Variants in PCDHGA2 observed in about 807,000 individuals in gnomAD.
PCDHGA2 encodes protocadherin gamma subfamily A, 2.
PCDHGA2 carries 40 observed loss-of-function variants against 59.2 expected under a neutral mutation model. The ratio of observed to expected loss-of-function variants is 0.68; its 90% CI spans 0.52 to 0.88. The LOEUF (loss-of-function observed/expected upper bound fraction) is 0.88. Ranked by LOEUF, PCDHGA2 falls within the 40% of genes least tolerant of loss-of-function variation. The pLI is 0.00. For synonymous variants in PCDHGA2, 560 were observed against 526.0 expected, an observed-to-expected ratio of 1.06 and a Z score of -0.89; for missense variants, 1,226 against 1,204.0, an observed-to-expected ratio of 1.02 and a Z score of -0.27.
chr5:141,398,708 T>A, intron 1 of PCDHGA2: 2 of 1,613,886 alleles, frequency 1.2e-6, no homozygotes, highest in Non-Finnish European at 1.7e-6. Context: ...TACCCGGAAC[T>A]GGCACTGGAG....
intron 1 of PCDHGA2, chr5:141,415,979 C>T (rs2095978015): frequency 2.8e-6 from 1 of 351,190 alleles, no homozygotes; most frequent in Middle Eastern, 8.3e-4. Flanking sequence ...TTAAGCAACC[C>T]TCTTGTTCTG....
intron 1 of PCDHGA2, chr5:141,375,919 C>T: frequency 1.2e-6 from 2 of 1,613,730 alleles, no homozygotes; most frequent in East Asian, 2.2e-5. Context: ...TCAAGGCCAG[C>T]GAGCCAGGAC....
At chr5:141,398,993 G>A (rs1438560245) in intron 1 of PCDHGA2, 2 of 1,613,944 alleles carry the variant, frequency 1.2e-6, no homozygotes, top group Admixed American at 1.7e-5. Flanking sequence ...CAAATCTTTA[G>A]TCTGAATTCA....
In PCDHGA2 at chr5:141,374,100, G is replaced by A. The variant is rs767728339; in HGVS notation, c.2424+32705G>A. ...AAGCCAGTAATGGCGCCTCCGCAGA[G>A]GCATCCGCAGCGCAGCGAGCAGGTC... On this transcript the variant is annotated intron_variant, in intron 1 of 3. Coordinates refer to ENST00000394576, the MANE Select transcript of PCDHGA2 (RefSeq NM_018915.4). 5.1e-6 allele frequency: 8 copies of A among 1,564,992 alleles called. No individual in the cohort carries two copies. The highest frequency in any genetic ancestry group is 6.1e-6 in the Non-Finnish European group (7 of 1,153,928).
chr5:141,377,482 G>C (rs1774042121), intron 1 of PCDHGA2: 1 of 152,036 alleles, frequency 6.6e-6, no homozygotes, highest in African/African-American at 2.4e-5. Flanking sequence ...TGTAGTCCCA[G>C]CTACTCGAGA....
chr5:141,416,062 T>G, intron 1 of PCDHGA2: 1 of 176,822 alleles, frequency 5.7e-6, no homozygotes, highest in Non-Finnish European at 1.2e-5. Flanking sequence ...AATCCAAGAA[T>G]ACTCAATGCA....
intron 1 of PCDHGA2, chr5:141,366,190 G>T (rs758700678): frequency 3.1e-6 from 5 of 1,613,816 alleles, no homozygotes; most frequent in African/African-American, 1.3e-5. Context: ...TTGCGGTTGG[G>T]CTGCACACGG....
chr5:141,402,921 T>C (rs1486440819), intron 1 of PCDHGA2: 1 of 1,575,122 alleles, frequency 6.3e-7, no homozygotes. Context: ...CGCACAGAGA[T>C]CCTTTTGAGA....
At chr5:141,386,780 A>C (rs1209529195) in intron 1 of PCDHGA2, among the ~76,000 whole-genome samples, 3 of 152,202 alleles carry the variant, frequency 2.0e-5, no homozygotes. Flanking sequence ...TGTAAAAGAA[A>C]ATCTCCTGAC....
At chr5:141,369,364 A>G (rs1766184094) in intron 1 of PCDHGA2, among the ~76,000 whole-genome samples, 2 of 152,320 alleles carry the variant, frequency 1.3e-5, no homozygotes, top group African/African-American at 4.8e-5. Context: ...ATGAAAAAAC[A>G]TCCTTTGTAA....
At chr5:141,404,022 G>C (rs2094476462) in intron 1 of PCDHGA2, 1 of 1,613,754 alleles carries the variant, frequency 6.2e-7, no homozygotes, top group Admixed American at 1.7e-5. Context: ...AGCCCAGTGA[G>C]AGAAGACGCA....
intron 1 of PCDHGA2, chr5:141,413,439 G>A (rs747331348): frequency 1.1e-4 from 179 of 1,613,988 alleles, no homozygotes; most frequent in Non-Finnish European, 1.4e-4. Flanking sequence ...GCGGCAGCTT[G>A]ATCACCGCGG....
chr5:141,418,938 C>A, intron 1 of PCDHGA2: 3 of 1,613,738 alleles, frequency 1.9e-6, no homozygotes, highest in Non-Finnish European at 2.5e-6. Flanking sequence ...ATGGAGGATT[C>A]CCCTCCAGGA....
In PCDHGA2 at chr5:141,477,605, T is replaced by A. The variant is rs1339408637; in HGVS notation, c.2425-17202T>A. On this transcript the variant is annotated intron_variant, in intron 1 of 3. Transcript: ENST00000394576. This position sits in a 1 kb window ranked among gnomAD's most constrained non-coding sequence, Gnocchi z 4.9. ...GAATGCTCGGCTTTCTTTCTTTCTCTTGGAGCAAGGAGCTGAAACCGGGCT... is the reference window on the plus strand; with the variant it reads ...GAATGCTCGGCTTTCTTTCTTTCTCATGGAGCAAGGAGCTGAAACCGGGCT... The A allele has an allele frequency of 6.2e-6, 10 of 1,614,102 alleles. No individual in the cohort carries two copies. In the South Asian group the frequency reaches 1.1e-4, roughly 18 times the overall value.
chr5:141,468,463 T>G (rs574151637), intron 1 of PCDHGA2: 6 of 152,282 alleles, frequency 3.9e-5, no homozygotes, highest in African/African-American at 1.4e-4. Flanking sequence ...AGCAAGTTAT[T>G]TCTGAGGAGA....
chr5:141,372,735 C>T, intron 1 of PCDHGA2: 1 of 1,613,346 alleles, frequency 6.2e-7, no homozygotes, highest in African/African-American at 1.3e-5. Flanking sequence ...ACAAGATCTT[C>T]TATGTGATGA....
intron 1 of PCDHGA2, chr5:141,424,126 G>C: frequency 9.3e-6 from 5 of 538,222 alleles, no homozygotes; most frequent in Non-Finnish European, 1.2e-5. Flanking sequence ...TGATCCTGTT[G>C]ATTTAATAGC....
intron 1 of PCDHGA2, chr5:141,392,578 A>G: frequency 2.2e-6 from 1 of 461,792 alleles, no homozygotes; most frequent in Non-Finnish European, 3.8e-6. Context: ...TTAGGACTGT[A>G]AGCGCCGCTG....
intron 1 of PCDHGA2, chr5:141,352,716 G>A (rs1371828196): frequency 1.3e-6 from 2 of 1,538,844 alleles, no homozygotes; most frequent in African/African-American, 1.4e-5. Context: ...GCGGCCGGGC[G>A]CGGTGGCTCA....
Sources: allele counts gnomAD v4.1 joint callset (sites outside exome capture counted in the v4.1 genomes callset), GRCh38; gene constraint gnomAD v4.1.1; non-coding constraint Gnocchi (gnomAD v3.1); transcripts MANE v1.5; gene names NCBI Gene and HGNC (gene_info 2026-07-23, HGNC 2026-07-21).